CCBE1: variants seen among roughly 807,000 people sequenced by gnomAD.
The protein encoded by CCBE1 is collagen and calcium-binding EGF domain-containing protein 1.
CCBE1 carries 37 observed loss-of-function variants against 50.0 expected under a neutral mutation model. That is an observed-to-expected ratio of 0.74 (90% CI 0.57 to 0.97). CCBE1 has a LOEUF of 0.97. CCBE1 is among the 50% of genes least tolerant of loss of function. CCBE1 has a pLI of 0.00. For missense variants in CCBE1, 538 were observed against 523.8 expected (o/e 1.03, Z -0.26); for synonymous variants, 234 against 203.7 (o/e 1.15, Z -1.27).
intron 2 of CCBE1, among the ~76,000 whole-genome samples, chr18:59,577,656 C>A (rs1038347861): frequency 6.6e-6 from 1 of 152,204 alleles, no homozygotes; most frequent in African/African-American, 2.4e-5. Flanking sequence ...TAGGCACACA[C>A]CCCATGTGTG....
intron 2 of CCBE1, among the ~76,000 whole-genome samples, chr18:59,490,838 A>G (rs764305431): frequency 9.9e-5 from 15 of 152,208 alleles, no homozygotes; most frequent in Admixed American, 2.6e-4. Flanking sequence ...TTTACTTTAC[A>G]TAAGATTTTA....
intron 2 of CCBE1, 192 bp downstream of exon 2, chr18:59,696,437 T>C: frequency 1.4e-6 from 2 of 1,401,696 alleles, no homozygotes; most frequent in Non-Finnish European, 1.9e-6. Context: ...GCAAAGTCAG[T>C]TGCTCAGTGT....
At position 59,589,748 on chromosome 18, in the gene CCBE1, G is replaced by A. The variant is rs533920423; in HGVS notation, c.212+106881C>T. ...CAGGAGGCAGAGCTTGCAGTGAGCCGAGATTGCGCCACTGCCAGGGCGACA... is the reference window on the plus strand; with the variant it reads ...CAGGAGGCAGAGCTTGCAGTGAGCCAAGATTGCGCCACTGCCAGGGCGACA... On this transcript the variant is annotated intron_variant, in intron 2 of 10. Transcript: ENST00000439986. Among the ~76,000 whole-genome samples the A allele has an allele frequency of 9.5e-5, 13 of 137,350 alleles. 1 individual carries two copies. The highest frequency in any genetic ancestry group is 4.6e-4 in the South Asian group (2 of 4,378). 90.1% of individuals were successfully genotyped at this position (137,350 alleles called of 152,430 possible). A position where few individuals can be genotyped will look rare whatever the true frequency, so the allele number is the denominator to read the frequency against.
intron 2 of CCBE1, among the ~76,000 whole-genome samples, chr18:59,531,569 G>A (rs569823129): frequency 2.0e-5 from 3 of 152,138 alleles, no homozygotes; most frequent in South Asian, 2.1e-4. Context: ...GCAACACAGC[G>A]AGATCCTATC....
At chr18:59,545,497 A>C (rs1873526354) in intron 2 of CCBE1, among the ~76,000 whole-genome samples, 1 of 152,078 alleles carries the variant, frequency 6.6e-6, no homozygotes, top group African/African-American at 2.4e-5. Flanking sequence ...TACAGATTTA[A>C]CTCATCTTAT....
chr18:59,456,502 C>T (rs1427625154), intron 5 of CCBE1, among the ~76,000 whole-genome samples: 3 of 152,120 alleles, frequency 2.0e-5, no homozygotes, highest in African/African-American at 4.8e-5. Flanking sequence ...AGCCAAGGAA[C>T]ACCAAAAATT....
At chr18:59,614,653 G>A (rs2053615493) in intron 2 of CCBE1, among the ~76,000 whole-genome samples, 1 of 152,200 alleles carries the variant, frequency 6.6e-6, no homozygotes, top group Non-Finnish European at 1.5e-5. Context: ...TCTCAATCTT[G>A]ATCTAGTCTA....
At chr18:59,503,924 G>T (rs1913747217) in intron 2 of CCBE1, among the ~76,000 whole-genome samples, 1 of 152,138 alleles carries the variant, frequency 6.6e-6, no homozygotes, top group East Asian at 1.9e-4. Flanking sequence ...GTAAGACATT[G>T]CTGTCTCCTC....
At chr18:59,573,524 A>G (rs1381412863) in intron 2 of CCBE1, among the ~76,000 whole-genome samples, 2 of 151,810 alleles carry the variant, frequency 1.3e-5, no homozygotes, top group Non-Finnish European at 2.9e-5. Context: ...TCTTAAAATA[A>G]ACTTCTCTGT....
chr18:59,655,301 A>G (rs1348683142), intron 2 of CCBE1, among the ~76,000 whole-genome samples: 1 of 152,190 alleles, frequency 6.6e-6, no homozygotes, highest in South Asian at 2.1e-4. Flanking sequence ...GAATCCAAGG[A>G]CCAAGTCCAT....
At position 59,432,443 on chromosome 18, in the gene CCBE1, T is replaced by C. The variant is rs1414237080; in HGVS notation, c.*3465A>G. Reference sequence around the variant, plus strand: ...AATGACCTAGAAGCACTGTTACAAATCTTACCCCAGAAATAGCTTTCCCAT... The same window carrying C: ...AATGACCTAGAAGCACTGTTACAAACCTTACCCCAGAAATAGCTTTCCCAT... On this transcript the variant is annotated 3_prime_UTR_variant, in exon 11 of 11. Coordinates refer to ENST00000439986, the MANE Select transcript of CCBE1 (RefSeq NM_133459.4). 2 of 152,190 alleles carry C rather than the reference T, an allele frequency of 1.3e-5. No individual in the cohort carries two copies. Among genetic ancestry groups the C allele is most frequent in the African/African-American group, 4.8e-5 (2 of 41,448 alleles). The allele number at this position is 152,190 out of a possible 1,614,324, so 9.4% of individuals were successfully genotyped here. A position where few individuals can be genotyped will look rare whatever the true frequency, so the allele number is the denominator to read the frequency against.
intron 2 of CCBE1, among the ~76,000 whole-genome samples, chr18:59,658,370 T>A (rs1599109352): frequency 2.1e-3 from 7 of 3,386 alleles, no homozygotes; most frequent in East Asian, 0.014. Flanking sequence ...TATATATATA[T>A]ATATATATAT....
At chr18:59,680,227 G>GT in intron 2 of CCBE1, among the ~76,000 whole-genome samples, 1 of 145,546 alleles carries the variant, frequency 6.9e-6, no homozygotes, top group South Asian at 2.2e-4. Flanking sequence ...TTTCAAAAAA[G>GT]AAAAAAAAAA....
At chr18:59,631,731 G>C (rs17780793) in intron 2 of CCBE1, among the ~76,000 whole-genome samples, 1,891 of 152,272 alleles carry the variant, frequency 0.012, 102 homozygotes, top group East Asian at 0.088. Flanking sequence ...AGAAGCACTG[G>C]GCACTAAATA....
chr18:59,686,863 C>CA (rs1362704814), intron 2 of CCBE1, among the ~76,000 whole-genome samples: 1 of 152,226 alleles, frequency 6.6e-6, no homozygotes, highest in Non-Finnish European at 1.5e-5. Context: ...CAAACTTTCT[C>CA]AGAGATAAAA....
At chr18:59,641,394 A>C (rs973729201) in intron 2 of CCBE1, among the ~76,000 whole-genome samples, 3 of 152,166 alleles carry the variant, frequency 2.0e-5, no homozygotes, top group African/African-American at 7.2e-5. Flanking sequence ...TAAACATCAC[A>C]TCGTGTCCAT....
At chr18:59,504,223 T>C (rs916804611) in intron 2 of CCBE1, among the ~76,000 whole-genome samples, 2 of 152,232 alleles carry the variant, frequency 1.3e-5, no homozygotes, top group East Asian at 3.8e-4. Context: ...ATATCTTCTA[T>C]TAATCTTTGT....
intron 2 of CCBE1, among the ~76,000 whole-genome samples, chr18:59,696,037 T>G (rs1176096139): frequency 2.6e-5 from 4 of 152,188 alleles, no homozygotes; most frequent in Non-Finnish European, 4.4e-5. Flanking sequence ...CATCCACGCT[T>G]AGTTTTAACA....
chr18:59,529,326 G>T (rs1439030298), intron 2 of CCBE1, among the ~76,000 whole-genome samples: 1 of 152,168 alleles, frequency 6.6e-6, no homozygotes. Flanking sequence ...GCACTGGCAG[G>T]GGAAAATGGC....
Sources: allele counts gnomAD v4.1 joint callset (sites outside exome capture counted in the v4.1 genomes callset), GRCh38; gene constraint gnomAD v4.1.1; transcripts MANE v1.5; gene names NCBI Gene and HGNC (gene_info 2026-07-23, HGNC 2026-07-21).